The following GPC6 variants were observed in gnomAD, a reference collection of about 807,000 sequenced individuals.
GPC6 encodes glypican 6.
Under a neutral mutation model 55.2 loss-of-function variants are expected in GPC6, and 14 were observed. The observed-to-expected ratio is 0.25, with a 90% CI of 0.17 to 0.40. The LOEUF is 0.40. Among genes scored for constraint, GPC6 ranks in the 10% least tolerant of loss-of-function variants. GPC6 has a pLI of 1.00. For missense variants in GPC6, 641 were observed against 708.5 expected (o/e 0.90, Z 1.08); for synonymous variants, 278 against 259.6 (o/e 1.07, Z -0.68).
At chr13:94,188,546 A>G (rs1889277652) in intron 4 of GPC6, among the ~76,000 whole-genome samples, 1 of 152,226 alleles carries the variant, frequency 6.6e-6, no homozygotes, top group Non-Finnish European at 1.5e-5. Flanking sequence ...AAGTGAAATC[A>G]TTTCAGTTAC....
intron 2 of GPC6, among the ~76,000 whole-genome samples, chr13:93,559,037 G>A (rs1404102648): frequency 1.3e-5 from 2 of 152,144 alleles, no homozygotes; most frequent in African/African-American, 2.4e-5. Flanking sequence ...CAGTGGTTGT[G>A]GGGAGTGGTA....
At chr13:93,310,758 A>C (rs180786941) in intron 1 of GPC6, among the ~76,000 whole-genome samples, 21 of 152,312 alleles carry the variant, frequency 1.4e-4, no homozygotes, top group Non-Finnish European at 2.9e-4. Flanking sequence ...TCTATATTTT[A>C]GGAGCATTGT....
At chr13:93,818,372 T>G (rs999968791) in intron 2 of GPC6, 1 of 152,142 alleles carries the variant, frequency 6.6e-6, no homozygotes, top group African/African-American at 2.4e-5. Flanking sequence ...TGTAATATTT[T>G]CACAAAATTT....
chr13:94,185,424 A>G lies in GPC6; in HGVS notation c.878-100925A>G, dbSNP rs1049611358. ...GTAGTGGAAAGTCTACAAACTTTTCAATCAGGTAACTTTATGACATAGACA... is the reference window on the plus strand; with the variant it reads ...GTAGTGGAAAGTCTACAAACTTTTCGATCAGGTAACTTTATGACATAGACA... On this transcript the variant is annotated intron_variant, in intron 4 of 8. Coordinates refer to ENST00000377047, the MANE Select transcript of GPC6 (RefSeq NM_005708.5). 2.6e-5 allele frequency among the ~76,000 whole-genome samples: 4 copies of G among 152,078 alleles called. No individual in the cohort carries two copies. The South Asian group carries it at 6.2e-4, about 24-fold the overall frequency.
At chr13:93,878,791 A>C (rs1874767475) in intron 3 of GPC6, among the ~76,000 whole-genome samples, 2 of 152,100 alleles carry the variant, frequency 1.3e-5, no homozygotes, top group Non-Finnish European at 2.9e-5. Flanking sequence ...AACTTGGACT[A>C]CCCAGCCCTT....
At chr13:93,246,410 G>T (rs1876602531) in intron 1 of GPC6, among the ~76,000 whole-genome samples, 1 of 97,626 alleles carries the variant, frequency 1.0e-5, no homozygotes, top group Non-Finnish European at 2.0e-5. Flanking sequence ...AGGAACTAGA[G>T]GTATTTTTTT....
chr13:93,822,297 A>G (rs1226774826), intron 2 of GPC6, among the ~76,000 whole-genome samples: 2 of 152,090 alleles, frequency 1.3e-5, no homozygotes, highest in African/African-American at 4.8e-5. Context: ...TGTAGTGATA[A>G]TCCCAGGTTC....
At chr13:94,256,660 T>C (rs769740897) in intron 4 of GPC6, among the ~76,000 whole-genome samples, 7 of 152,118 alleles carry the variant, frequency 4.6e-5, no homozygotes, top group Non-Finnish European at 7.3e-5. Context: ...GTCTTGTAGT[T>C]CTTAGATTCT....
intron 3 of GPC6, among the ~76,000 whole-genome samples, chr13:94,019,572 C>T (rs1200841951): frequency 1.3e-5 from 2 of 152,166 alleles, no homozygotes; most frequent in South Asian, 2.1e-4. Flanking sequence ...ATGCATTGCT[C>T]CAGTCACTGC....
chr13:93,272,492 GTATATATATATATA>G (rs61556173), intron 1 of GPC6, among the ~76,000 whole-genome samples: 1 of 137,176 alleles, frequency 7.3e-6, no homozygotes, highest in African/African-American at 2.7e-5. Context: ...TTGTCTGTGT[GTATATATATATATA>G]TATATATATA....
intron 1 of GPC6, among the ~76,000 whole-genome samples, chr13:93,434,376 A>G (rs1386686350): frequency 6.6e-6 from 1 of 152,140 alleles, no homozygotes; most frequent in African/African-American, 2.4e-5. Flanking sequence ...AGAACCTGGC[A>G]TATTTTTGGT....
chr13:93,890,949 C>T (rs1875646760), intron 3 of GPC6, among the ~76,000 whole-genome samples: 1 of 151,820 alleles, frequency 6.6e-6, no homozygotes, highest in South Asian at 2.1e-4. Context: ...TTCTGTTAAT[C>T]AAATTTATCT....
chr13:93,611,330 G>A (rs1878451977), intron 2 of GPC6, among the ~76,000 whole-genome samples: 1 of 151,994 alleles, frequency 6.6e-6, no homozygotes, highest in African/African-American at 2.4e-5. Flanking sequence ...AGCATATTAA[G>A]GTTAGGTTAA....
chr13:93,695,475 G>A (rs918836809), intron 2 of GPC6, among the ~76,000 whole-genome samples: 4 of 151,690 alleles, frequency 2.6e-5, no homozygotes, highest in African/African-American at 7.3e-5. Flanking sequence ...TTATTTCAAC[G>A]TGTACTTTCA....
chr13:93,744,895 T>A (rs561179563), intron 2 of GPC6, among the ~76,000 whole-genome samples: 1 of 151,530 alleles, frequency 6.6e-6, no homozygotes, highest in South Asian at 2.1e-4. Context: ...ATCACATCTA[T>A]CTCTGCACTC....
At chr13:93,723,934 G>T (rs565289840) in intron 2 of GPC6, among the ~76,000 whole-genome samples, 1 of 151,934 alleles carries the variant, frequency 6.6e-6, no homozygotes, top group African/African-American at 2.4e-5. Flanking sequence ...TGTTAAGGTT[G>T]AACAGAGACA....
intron 2 of GPC6, among the ~76,000 whole-genome samples, chr13:93,627,693 A>G (rs997143085): frequency 8.3e-6 from 1 of 121,036 alleles, no homozygotes; most frequent in African/African-American, 2.6e-5. Context: ...TTAGGTTTCT[A>G]TTATTTTCTC....
intron 1 of GPC6, among the ~76,000 whole-genome samples, chr13:93,250,182 A>G (rs1225726467): frequency 1.3e-5 from 2 of 152,204 alleles, no homozygotes; most frequent in Non-Finnish European, 2.9e-5. Context: ...ACACGAATGA[A>G]CACTTCTAAA....
chr13:93,653,651 A>T (rs950128314), intron 2 of GPC6, among the ~76,000 whole-genome samples: 5 of 150,532 alleles, frequency 3.3e-5, no homozygotes, highest in Non-Finnish European at 7.4e-5. Flanking sequence ...AAAAATATAT[A>T]TTTTTCTGAT....
Sources: gnomAD v4.1 joint callset for allele counts (sites outside exome capture counted in the v4.1 genomes callset) on GRCh38, gnomAD v4.1.1 for gene constraint, MANE v1.5 for transcripts, NCBI Gene and HGNC (gene_info 2026-07-23, HGNC 2026-07-21) for gene names.